ZNF341: variants seen among roughly 807,000 people sequenced by gnomAD.
The protein encoded by ZNF341 is zinc finger protein 341.
In ZNF341, 52 loss-of-function variants were observed where a neutral mutation model predicts 87.7. The observed-to-expected ratio is 0.59, with a 90% CI of 0.47 to 0.75. The LOEUF (loss-of-function observed/expected upper bound fraction) is 0.75, where lower values mean the gene tolerates loss of function less well. Among genes scored for constraint, ZNF341 ranks in the 30% least tolerant of loss-of-function variants. The pLI is 0.00. For missense variants in ZNF341, 977 were observed against 1,145.9 expected (o/e 0.85, Z 2.13); for synonymous variants, 459 against 472.7 (o/e 0.97, Z 0.38).
At chr20:33,744,509 G>A (rs1354877734) in intron 2 of ZNF341, among the ~76,000 whole-genome samples, 1 of 152,144 alleles carries the variant, frequency 6.6e-6, no homozygotes, top group Non-Finnish European at 1.5e-5. Context: ...TCTCAACTTT[G>A]TAGTGAACAT....
Position 33,732,173 on chromosome 20 carries a change from AC to A in ZNF341, c.31+122del. ...CGGGGCGGAGGGCGCCGGGGCTGGA[AC>A]AGCCGCGGGGCGGGAGGGGCGCGGG... On this transcript the variant is annotated intron_variant, in intron 1 of 14. Transcript: ENST00000375200. This position sits in a 1 kb window ranked among gnomAD's most constrained non-coding sequence, Gnocchi z 4.5. The A allele has an allele frequency of 1.4e-6, 1 of 698,528 alleles. No homozygotes were observed. The highest frequency in any genetic ancestry group is 1.8e-6 in the Non-Finnish European group (1 of 570,028). 43.3% of individuals were successfully genotyped at this position (698,528 alleles called of 1,614,324 possible).
At chr20:33,773,343 C>G (rs142437251) in intron 10 of ZNF341, among the ~76,000 whole-genome samples, 1,615 of 152,282 alleles carry the variant, frequency 0.011, 21 homozygotes, top group African/African-American at 0.037. Context: ...AGTCCCCTTG[C>G]AGGGTCATAG....
At position 33,791,419 on chromosome 20, in the gene ZNF341, G is replaced by C. The variant is rs772077716; in HGVS notation, c.2467G>C (p.Gly823Arg). 2.5e-5 allele frequency: 41 copies of C among 1,611,652 alleles called. No homozygotes were observed. The South Asian group carries it at 3.6e-4, about 14-fold the overall frequency. ...GCTGGTGGTACCTGGACACGCTGAG[G>C]GGCTGGGCTCCAACCTGGCTCTGGC... ...TELVVPGHAEGLGSNLALAEL... is the reference protein window; with the variant it reads ...TELVVPGHAERLGSNLALAEL... Residue 823 changes from glycine (G) to arginine (R), a missense_variant, in exon 15 of 15, where the codon GGG becomes CGG. Coordinates refer to ENST00000375200, the MANE Select transcript of ZNF341 (RefSeq NM_001282933.2).
chr20:33,733,337 T>C (rs1257718131), intron 1 of ZNF341, among the ~76,000 whole-genome samples: 3 of 151,752 alleles, frequency 2.0e-5, no homozygotes, highest in Non-Finnish European at 4.4e-5. Context: ...CTTCTGCTTC[T>C]TCTGCCTCAG....
chr20:33,760,822 G>A (rs997603673), intron 7 of ZNF341, among the ~76,000 whole-genome samples: 48 of 152,218 alleles, frequency 3.2e-4, no homozygotes, highest in African/African-American at 1.2e-3. Flanking sequence ...GGGATTACAG[G>A]TGTGAGCCAC....
chr20:33,782,476 C>G (rs6088302), intron 11 of ZNF341, among the ~76,000 whole-genome samples: 1 of 152,166 alleles, frequency 6.6e-6, no homozygotes, highest in Non-Finnish European at 1.5e-5. Flanking sequence ...GGCAGATTTT[C>G]CAGGACAGCC....
intron 8 of ZNF341, among the ~76,000 whole-genome samples, chr20:33,765,385 A>T (rs1339118910): frequency 6.6e-6 from 1 of 151,012 alleles, no homozygotes; most frequent in Non-Finnish European, 1.5e-5. Flanking sequence ...TCTTTAAAAA[A>T]AATTTTCTTT....
In ZNF341 at chr20:33,732,336, C is replaced by G. The variant is rs1163139316; in HGVS notation, c.31+284C>G. ...CGGCCTTGGGCGGGCGCGGGAGGGG[C>G]TCCCTGCAGGGAACTGCGCGGGAGG... is the stretch of plus-strand genomic sequence containing the variant. On this transcript the variant is annotated intron_variant, in intron 1 of 14. Coordinates refer to ENST00000375200, the MANE Select transcript of ZNF341 (RefSeq NM_001282933.2). The surrounding 1 kb of genome is among the most constrained non-coding windows in gnomAD (Gnocchi z 4.5). Among the ~76,000 whole-genome samples, 1 of 150,936 alleles carries G rather than the reference C, an allele frequency of 6.6e-6. No individual in the cohort carries two copies. The highest frequency in any genetic ancestry group is 6.6e-5 in the Admixed American group (1 of 15,210).
intron 12 of ZNF341, among the ~76,000 whole-genome samples, chr20:33,784,350 T>C (rs13043800): frequency 0.27 from 4,711 of 17,706 alleles, 1,052 homozygotes; most frequent in African/African-American, 0.62. Context: ...CATCTCCCTC[T>C]AGCCTCCCTT....
chr20:33,751,110 A>G (rs758677876), intron 4 of ZNF341, among the ~76,000 whole-genome samples: 14 of 152,136 alleles, frequency 9.2e-5, no homozygotes, highest in Non-Finnish European at 1.6e-4. Context: ...GGATTCCACC[A>G]TATGGATAGG....
chr20:33,773,226 T>G (rs1166429252), intron 10 of ZNF341, among the ~76,000 whole-genome samples: 5 of 152,162 alleles, frequency 3.3e-5, no homozygotes, highest in Non-Finnish European at 7.3e-5. Context: ...AGTAACAACA[T>G]CAGCAGAGTT....
At chr20:33,745,334 T>A (rs771945786) in intron 3 of ZNF341, 35 bp downstream of exon 3, 1 of 1,592,368 alleles carries the variant, frequency 6.3e-7, no homozygotes, top group African/African-American at 1.3e-5. Context: ...CATGTCTTTT[T>A]TGAGGGCCTA....
At chr20:33,772,043 A>G (rs2019545247) in intron 10 of ZNF341, among the ~76,000 whole-genome samples, 2 of 140,196 alleles carry the variant, frequency 1.4e-5, no homozygotes, top group South Asian at 2.4e-4. Context: ...AAAGATCTTC[A>G]CGTCATTCTC....
intron 5 of ZNF341, among the ~76,000 whole-genome samples, chr20:33,754,839 C>T (rs1384985306): frequency 6.6e-6 from 1 of 152,216 alleles, no homozygotes; most frequent in East Asian, 1.9e-4. Flanking sequence ...AAAATGGGAA[C>T]TCTCCTGAAA....
At chr20:33,754,311 T>G (rs1413917782) in intron 5 of ZNF341, among the ~76,000 whole-genome samples, 1 of 152,152 alleles carries the variant, frequency 6.6e-6, no homozygotes, top group African/African-American at 2.4e-5. Flanking sequence ...GGCCATCTAC[T>G]TGAAATGCAC....
chr20:33,743,854 A>G (rs914367368), intron 2 of ZNF341, among the ~76,000 whole-genome samples: 4 of 152,196 alleles, frequency 2.6e-5, no homozygotes, highest in Non-Finnish European at 5.9e-5. Context: ...CTCTGTGTCC[A>G]GGAGATATTG....
intron 10 of ZNF341, 26 bp downstream of exon 10, chr20:33,770,318 C>CGGGG: frequency 1.9e-6 from 1 of 516,058 alleles, no homozygotes; most frequent in Non-Finnish European, 3.9e-6. Flanking sequence ...TTCCCTCTCC[C>CGGGG]TGGGTGGACG....
rs2020019180 is a variant in ZNF341, at chr20:33,791,228, G to A, written c.2276G>A (p.Gly759Asp). ...RRAAPRSCGS[G>D]GRKVLTPLPD... is the part of the protein sequence containing the mutation. ...GCAGCCCCCCGCAGTTGCGGCAGTG[G>A]TGGGCGCAAGGTGCTGACCCCCTTG... The change falls in exon 15 of 15, where the codon GGT becomes GAT. Residue 759 changes from glycine to aspartate, a missense_variant. By Grantham distance (94) the Gly-to-Asp change is moderately conservative (BLOSUM62 -1). Coordinates refer to ENST00000375200, the MANE Select transcript of ZNF341 (RefSeq NM_001282933.2). 6.2e-7 allele frequency: 1 copy of A among 1,612,128 alleles called. No homozygotes were observed. Among genetic ancestry groups the A allele is most frequent in the Non-Finnish European group, 8.5e-7 (1 of 1,179,514 alleles).
chr20:33,779,079 C>T (rs1269603138), intron 10 of ZNF341, among the ~76,000 whole-genome samples: 1 of 152,142 alleles, frequency 6.6e-6, no homozygotes, highest in African/African-American at 2.4e-5. Context: ...TTATTTGACT[C>T]ACGGTTCAGC....
Sources: gnomAD v4.1 joint callset for allele counts (sites outside exome capture counted in the v4.1 genomes callset) on GRCh38, gnomAD v4.1.1 for gene constraint, Gnocchi (gnomAD v3.1) non-coding constraint, MANE v1.5 for transcripts, NCBI Gene and HGNC (gene_info 2026-07-23, HGNC 2026-07-21) for gene names.